Variants in ISOC1 observed in about 807,000 individuals in gnomAD.
ISOC1 encodes isochorismatase domain containing 1.
Under a neutral mutation model 30.0 loss-of-function variants are expected in ISOC1, and 33 were observed. That is an observed-to-expected ratio of 1.10 (90% CI 0.83 to 1.47). The LOEUF (loss-of-function observed/expected upper bound fraction) is 1.47, where lower values mean the gene tolerates loss of function less well. ISOC1 is among the 40% of genes most tolerant of loss of function. The pLI is 0.00. For synonymous variants in ISOC1, 178 were observed against 159.8 expected (o/e 1.11, Z -0.86); for missense variants, 372 against 388.0 (o/e 0.96, Z 0.35).
chr5:129,100,922 A>G (rs991456129), intron 1 of ISOC1, among the ~76,000 whole-genome samples: 3 of 151,490 alleles, frequency 2.0e-5, no homozygotes, highest in African/African-American at 4.9e-5. Context: ...AAAAAAAAAA[A>G]ACTAACTTTT....
rs551290298 is a variant in ISOC1, at chr5:129,113,103, T to G, written c.*102T>G. The G allele has an allele frequency of 2.5e-6, 3 of 1,180,572 alleles. 1 individual carries two copies. In the South Asian group the frequency reaches 5.8e-5, roughly 23 times the overall value. 73.1% of individuals were successfully genotyped at this position (1,180,572 alleles called of 1,614,324 possible). On this transcript the variant is annotated 3_prime_UTR_variant, in exon 5 of 5. Transcript: ENST00000173527. ...CTTATCTCTACTAGAATTAAAATGT[T>G]AAGTCAAAAACGGCTCCTTTTTTGC... is the stretch of plus-strand genomic sequence containing the variant.
chr5:129,111,762 C>T (rs1420067739), intron 4 of ISOC1, among the ~76,000 whole-genome samples: 1 of 152,112 alleles, frequency 6.6e-6, no homozygotes, highest in Non-Finnish European at 1.5e-5. Flanking sequence ...CCCTTCTTTC[C>T]CCTTTGCCTT....
At chr5:129,106,119 T>G (rs971009115) in intron 3 of ISOC1, among the ~76,000 whole-genome samples, 1 of 152,194 alleles carries the variant, frequency 6.6e-6, no homozygotes, top group African/African-American at 2.4e-5. Context: ...TATAAATATG[T>G]CGTACCAAGT....
intron 4 of ISOC1, among the ~76,000 whole-genome samples, chr5:129,108,049 G>A (rs1266156791): frequency 2.0e-5 from 3 of 152,226 alleles, no homozygotes; most frequent in Admixed American, 6.5e-5. Context: ...CAATGTGCAT[G>A]TGAATTTAAT....
At chr5:129,104,850 T>C in intron 1 of ISOC1, 106 bp from the exon 2 acceptor site, 1 of 1,095,660 alleles carries the variant, frequency 9.1e-7, no homozygotes, top group Non-Finnish European at 1.3e-6. Context: ...GAAATTGACT[T>C]ACTGGCTCAA....
At position 129,112,877 on chromosome 5, in the gene ISOC1, T is replaced by C; in HGVS notation, c.773T>C (p.Ile258Thr). 1.2e-6 allele frequency: 2 copies of C among 1,613,566 alleles called. No homozygotes were observed. Among genetic ancestry groups the C allele is most frequent in the South Asian group, 2.2e-5 (2 of 90,994 alleles). Residue 258 changes from isoleucine (I) to threonine (T), a missense_variant, in exon 5 of 5, where the codon ATA (isoleucine) becomes ACA (threonine). Coordinates refer to ENST00000173527, the MANE Select transcript of ISOC1 (RefSeq NM_016048.2). Reference sequence around the variant, plus strand: ...AAGCGTCTCGCTCGAACCGGGATCATAGTGACCACGAGTGAGGCTGTTCTG... The same window carrying C: ...AAGCGTCTCGCTCGAACCGGGATCACAGTGACCACGAGTGAGGCTGTTCTG... The part of the protein sequence containing the change: ...ALERLARTGI[I>T]VTTSEAVLLQ...
chr5:129,104,475 T>C (rs1199839369), intron 1 of ISOC1, among the ~76,000 whole-genome samples: 1 of 152,118 alleles, frequency 6.6e-6, no homozygotes, highest in Non-Finnish European at 1.5e-5. Flanking sequence ...TTGGAAAATA[T>C]AGGAATGGTA....
intron 4 of ISOC1, among the ~76,000 whole-genome samples, chr5:129,107,878 A>AT (rs1479761286): frequency 6.6e-6 from 1 of 152,178 alleles, no homozygotes; most frequent in Admixed American, 6.5e-5. Flanking sequence ...GGAGTCTGTA[A>AT]TTCTCTGTCA....
At chr5:129,107,628 A>G (rs918185463) in intron 4 of ISOC1, among the ~76,000 whole-genome samples, 2 of 152,222 alleles carry the variant, frequency 1.3e-5, no homozygotes, top group African/African-American at 4.8e-5. Context: ...AGATGATTTA[A>G]TGTATATAGG....
intron 1 of ISOC1, among the ~76,000 whole-genome samples, chr5:129,101,385 A>G (rs1753570694): frequency 6.6e-6 from 1 of 151,788 alleles, no homozygotes; most frequent in South Asian, 2.1e-4. Flanking sequence ...AATCCCGGCT[A>G]CTTGGGAGGC....
At chr5:129,112,602 T>C (rs573267945) in intron 4 of ISOC1, among the ~76,000 whole-genome samples, 1 of 152,272 alleles carries the variant, frequency 6.6e-6, no homozygotes, top group Non-Finnish European at 1.5e-5. Context: ...TGGGCACATA[T>C]ATGTCATAAC....
chr5:129,096,675 C>G (rs1377824631), intron 1 of ISOC1, among the ~76,000 whole-genome samples: 1 of 152,160 alleles, frequency 6.6e-6, no homozygotes, highest in Non-Finnish European at 1.5e-5. Flanking sequence ...TTACTGCTGC[C>G]AGAATACTCA....
rs1753735705 is a variant in ISOC1, at chr5:129,113,337, T to A, written c.*336T>A. On this transcript the variant is annotated 3_prime_UTR_variant, in exon 5 of 5. Coordinates refer to ENST00000173527, the MANE Select transcript of ISOC1 (RefSeq NM_016048.2). ...CAGACTCTTGTGAAGTTTTCTTAAA[T>A]TGTTCACTTTAAAGAAAATGACGTA... 5.7e-6 allele frequency: 1 copy of A among 176,674 alleles called. No homozygotes were observed. Among genetic ancestry groups the A allele is most frequent in the African/African-American group, 2.4e-5 (1 of 42,434 alleles). The allele number at this position is 176,674 out of a possible 1,614,324, so 10.9% of individuals were successfully genotyped here.
chr5:129,095,238 G>A (rs763030162), intron 1 of ISOC1, among the ~76,000 whole-genome samples, 163 bp downstream of exon 1: 1 of 152,188 alleles, frequency 6.6e-6, no homozygotes, highest in Non-Finnish European at 1.5e-5. Flanking sequence ...CGCAAGTTCC[G>A]GGGCCGGCTG....
At chr5:129,109,476 C>T (rs1349546718) in intron 4 of ISOC1, among the ~76,000 whole-genome samples, 1 of 152,164 alleles carries the variant, frequency 6.6e-6, no homozygotes, top group East Asian at 1.9e-4. Context: ...CGTGGTTAGT[C>T]ACCAGAAATG....
Position 129,105,357 on chromosome 5 carries a change from G to C in ISOC1, c.602G>C (p.Gly201Ala). The C allele has an allele frequency of 6.2e-7, 1 of 1,613,676 alleles. No homozygotes were observed. ...EVEAALAEIPGVRSVVLFGVE... is the reference protein window; with the variant it reads ...EVEAALAEIPAVRSVVLFGVE... Reference sequence around the variant, plus strand: ...GAAGCGGCATTAGCAGAGATTCCCGGAGTCAGGAGTGTTGTATTATTTGGA... The same window carrying C: ...GAAGCGGCATTAGCAGAGATTCCCGCAGTCAGGAGTGTTGTATTATTTGGA... The change falls in exon 3 of 5, where the codon GGA (glycine) becomes GCA (alanine). Residue 201 changes from glycine to alanine, a missense_variant. Physicochemically the swap from Gly to Ala is moderately conservative, Grantham distance 60 (BLOSUM62 0). Coordinates refer to ENST00000173527, the MANE Select transcript of ISOC1 (RefSeq NM_016048.2).
chr5:129,106,829 G>A, intron 3 of ISOC1, 117 bp from the exon 4 acceptor site: 1 of 656,340 alleles, frequency 1.5e-6, no homozygotes, highest in Non-Finnish European at 2.7e-6. Flanking sequence ...ACTAGATGTA[G>A]AACAAGGTCC....
chr5:129,098,682 A>C (rs867411266), intron 1 of ISOC1, among the ~76,000 whole-genome samples: 1 of 152,204 alleles, frequency 6.6e-6, no homozygotes, highest in Admixed American at 6.5e-5. Context: ...TGTACATAGC[A>C]GGGAAGGCTT....
chr5:129,105,799 G>A (rs948076982), intron 3 of ISOC1, among the ~76,000 whole-genome samples: 1 of 152,114 alleles, frequency 6.6e-6, no homozygotes, highest in Non-Finnish European at 1.5e-5. Context: ...GAAGAACCTT[G>A]GAGGTCATGT....
Sources: allele counts gnomAD v4.1 joint callset (sites outside exome capture counted in the v4.1 genomes callset), GRCh38; gene constraint gnomAD v4.1.1; transcripts MANE v1.5; gene names NCBI Gene and HGNC (gene_info 2026-07-23, HGNC 2026-07-21).